The following DAPK2 variants were observed in gnomAD, a reference collection of about 807,000 sequenced individuals.
DAPK2 encodes the protein death-associated protein kinase 2.
DAPK2 carries 35 observed loss-of-function variants against 44.1 expected under a neutral mutation model. The ratio of observed to expected loss-of-function variants is 0.79; its 90% CI spans 0.61 to 1.05. The LOEUF (loss-of-function observed/expected upper bound fraction) is 1.05, where lower values mean the gene tolerates loss of function less well. DAPK2 is among the 50% of genes least tolerant of loss of function. The pLI, the probability that DAPK2 is intolerant of heterozygous loss-of-function variation, is 0.00. For synonymous variants in DAPK2, 174 were observed against 182.6 expected (o/e 0.95, Z 0.38); for missense variants, 453 against 483.2 (o/e 0.94, Z 0.59).
intron 1 of DAPK2, among the ~76,000 whole-genome samples, chr15:64,030,939 C>T (rs1362323731): frequency 6.6e-6 from 1 of 150,864 alleles, no homozygotes; most frequent in Non-Finnish European, 1.5e-5. Flanking sequence ...TGCATTCCAG[C>T]CTGGGCAACA....
intron 1 of DAPK2, among the ~76,000 whole-genome samples, chr15:64,032,817 G>A (rs1567286996): frequency 6.6e-6 from 1 of 152,034 alleles, no homozygotes; most frequent in Non-Finnish European, 1.5e-5. Context: ...TGGGCGTGGT[G>A]GTTCATGACT....
At chr15:63,910,911 G>A (rs2078769799) in intron 10 of DAPK2, 1 of 152,196 alleles carries the variant, frequency 6.6e-6, no homozygotes, top group Non-Finnish European at 1.5e-5. Flanking sequence ...GCACTTACAT[G>A]CCAGGCTTTA....
Position 64,020,839 on chromosome 15 carries a change from A to G in DAPK2, c.92+19331T>C, listed in dbSNP as rs1185720783. ...ATGCCTACAGTGTTTCTATGGAGTA[A>G]TGGAAAGGGCAAAGGACCTGGAGTG... On this transcript the variant is annotated intron_variant, in intron 1 of 10. Coordinates refer to ENST00000261891, the Ensembl canonical transcript of DAPK2. This position sits in a 1 kb window ranked among gnomAD's most constrained non-coding sequence, Gnocchi z 4.5. 1.3e-5 allele frequency among the ~76,000 whole-genome samples: 2 copies of G among 152,208 alleles called. No individual in the cohort carries two copies. The highest frequency in any genetic ancestry group is 2.9e-5 in the Non-Finnish European group (2 of 68,034).
intron 1 of DAPK2, chr15:64,029,864 T>G (rs1340592782): frequency 2.0e-5 from 3 of 152,330 alleles, no homozygotes. Context: ...AAGTTCATTT[T>G]GCTCTCAGTC....
At chr15:63,953,968 G>C (rs924223774) in intron 3 of DAPK2, among the ~76,000 whole-genome samples, 3 of 151,998 alleles carry the variant, frequency 2.0e-5, no homozygotes, top group Non-Finnish European at 4.4e-5. Context: ...AACCTTTCCT[G>C]TGATGCTGAT....
At chr15:64,040,315 C>G, upstream of DAPK2, 1 of 1,475,426 alleles carries the variant, frequency 6.8e-7, no homozygotes, top group South Asian at 1.1e-5. Flanking sequence ...CAAATTAGCA[C>G]AAGCCTAAGA....
intron 1 of DAPK2, among the ~76,000 whole-genome samples, chr15:64,000,766 T>C (rs2079063839): frequency 1.3e-5 from 2 of 152,116 alleles, no homozygotes; most frequent in Admixed American, 1.3e-4. Flanking sequence ...ACTCAGAGCC[T>C]GGCAAGCTGG....
At chr15:64,046,337 C>CGCGGCGGGA (rs1192170330), upstream of DAPK2, 8 of 202,214 alleles carry the variant, frequency 4.0e-5, no homozygotes, top group Admixed American at 6.3e-3. The surrounding 1 kb of genome is among the most constrained non-coding windows in gnomAD (Gnocchi z 5.3). Context: ...CCGCGGCAGG[C>CGCGGCGGGA]GCGGCGGGAG....
At chr15:64,030,224 G>A (rs1595913099) in intron 1 of DAPK2, among the ~76,000 whole-genome samples, 1 of 152,270 alleles carries the variant, frequency 6.6e-6, no homozygotes, top group East Asian at 1.9e-4. Context: ...GGAGGCAGAG[G>A]TTGCAGTGAG....
intron 1 of DAPK2, among the ~76,000 whole-genome samples, chr15:64,028,714 T>C (rs1428061122): frequency 6.6e-6 from 1 of 152,042 alleles, no homozygotes; most frequent in Non-Finnish European, 1.5e-5. Flanking sequence ...TGCAACCTAT[T>C]CTCAAATGGT....
intron 1 of DAPK2, among the ~76,000 whole-genome samples, chr15:64,012,815 T>C (rs571640627): frequency 3.3e-5 from 5 of 152,346 alleles, no homozygotes; most frequent in African/African-American, 1.2e-4. Context: ...AGGGAACTTT[T>C]AAATGCACTA....
At chr15:63,940,616 G>A (rs766827828) in intron 3 of DAPK2, among the ~76,000 whole-genome samples, 2 of 152,104 alleles carry the variant, frequency 1.3e-5, no homozygotes, top group Non-Finnish European at 2.9e-5. Context: ...GGAGGCTGAG[G>A]CAGGAGAATC....
At chr15:64,006,921 G>T (rs1050219306) in intron 1 of DAPK2, among the ~76,000 whole-genome samples, 11 of 152,122 alleles carry the variant, frequency 7.2e-5, no homozygotes, top group Admixed American at 2.0e-4. Context: ...CACCCATAGG[G>T]AGCCCGACTC....
intron 4 of DAPK2, among the ~76,000 whole-genome samples, chr15:63,938,054 G>C (rs970264738): frequency 6.6e-6 from 1 of 152,154 alleles, no homozygotes; most frequent in African/African-American, 2.4e-5. Context: ...CCCCCAGCCT[G>C]CCATCTCCAC....
intron 8 of DAPK2, among the ~76,000 whole-genome samples, chr15:63,915,518 G>A (rs532325427): frequency 1.3e-5 from 2 of 152,242 alleles, no homozygotes; most frequent in East Asian, 3.9e-4. Context: ...CTTACTGATT[G>A]GCACCCTCAC....
At chr15:63,935,705 C>T (rs1336250262) in intron 4 of DAPK2, 2 of 152,116 alleles carry the variant, frequency 1.3e-5, no homozygotes, top group African/African-American at 4.8e-5. Context: ...TCAAATAGTG[C>T]TTCTCCTTTT....
chr15:63,979,924 A>G (rs2078455858), intron 2 of DAPK2, among the ~76,000 whole-genome samples: 2 of 152,078 alleles, frequency 1.3e-5, no homozygotes, highest in African/African-American at 2.4e-5. Flanking sequence ...CAAAAAACAA[A>G]CAAACAAACA....
intron 1 of DAPK2, among the ~76,000 whole-genome samples, chr15:64,016,237 G>T (rs184312923): frequency 1.3e-5 from 2 of 152,312 alleles, no homozygotes; most frequent in Admixed American, 1.3e-4. Flanking sequence ...CACCTCTCCA[G>T]CACCTTCCAC....
intron 2 of DAPK2, among the ~76,000 whole-genome samples, chr15:63,978,444 G>A (rs59285135): frequency 2.1e-3 from 314 of 152,312 alleles, no homozygotes; most frequent in African/African-American, 7.3e-3. Context: ...GAGGACTTTG[G>A]GGTGCAGTAA....
Sources: gnomAD v4.1 joint callset for allele counts (sites outside exome capture counted in the v4.1 genomes callset) on GRCh38, gnomAD v4.1.1 for gene constraint, Gnocchi (gnomAD v3.1) non-coding constraint, MANE v1.5 for transcripts, NCBI Gene and HGNC (gene_info 2026-07-23, HGNC 2026-07-21) for gene names.